Variants in SPEF2 observed in about 807,000 individuals in gnomAD.
The protein encoded by SPEF2 is sperm flagellar and cilia associated 2.
In SPEF2, 187 loss-of-function variants were observed where a neutral mutation model predicts 224.6. The observed-to-expected ratio is 0.83, with a 90% CI of 0.74 to 0.94. SPEF2 has a LOEUF of 0.94. Among genes scored for constraint, SPEF2 ranks in the 40% least tolerant of loss-of-function variants. The pLI, the probability that SPEF2 is intolerant of heterozygous loss-of-function variation, is 0.00. For synonymous variants in SPEF2, 715 were observed against 707.3 expected, an observed-to-expected ratio of 1.01 and a Z score of -0.17; for missense variants, 2,170 against 2,135.6, an observed-to-expected ratio of 1.02 and a Z score of -0.32.
chr5:35,776,151 T>C (rs1320595345), intron 28 of SPEF2, 106 bp from the exon 29 acceptor site: 3 of 1,190,622 alleles, frequency 2.5e-6, no homozygotes, highest in East Asian at 4.9e-5. Flanking sequence ...AACGTGCACC[T>C]AAAGCTTCAC....
At chr5:35,752,116 C>G (rs1749749718) in intron 23 of SPEF2, among the ~76,000 whole-genome samples, 1 of 152,122 alleles carries the variant, frequency 6.6e-6, no homozygotes, top group Admixed American at 6.5e-5. Context: ...TGCTGCGGAT[C>G]TGATAGGAGG....
Position 35,713,282 on chromosome 5 carries a change from G to T in SPEF2, c.2914+396G>T, listed in dbSNP as rs141310345. Among the ~76,000 whole-genome samples, 703 of 152,142 alleles carry T rather than the reference G, an allele frequency of 4.6e-3. 7 individuals are homozygous for T. Among genetic ancestry groups the T allele is most frequent in the African/African-American group, 0.017 (685 of 41,514 alleles). ...AAAATAAAAATCTTACATTACCTTA[G>T]AACATTTACAAAACTAAGAAAGGAG... is the stretch of plus-strand genomic sequence containing the variant. On this transcript the variant is annotated intron_variant, in intron 20 of 36. Coordinates refer to ENST00000356031, the MANE Select transcript of SPEF2 (RefSeq NM_024867.4).
At chr5:35,664,787 GGAGGGAGAGA>G (rs1384697393) in intron 8 of SPEF2, among the ~76,000 whole-genome samples, 1 of 142,306 alleles carries the variant, frequency 7.0e-6, no homozygotes, top group Non-Finnish European at 1.5e-5. Context: ...AGAGAAAGAG[GGAGGGAGAGA>G]GAGGGAGAGG....
chr5:35,704,563 T>A lies in SPEF2; in HGVS notation c.2408T>A (p.Leu803Ter). Residue 803 changes from leucine (L) to a stop codon, truncating the protein, a stop_gained, in exon 17 of 37, where the codon TTG (leucine) becomes TAG (stop). Transcript: ENST00000356031. LOFTEE classifies it high-confidence loss of function. ...SRMNDIIAEE[L>*]SYKTAHEDIS... is the part of the protein sequence containing the mutation. The stretch of plus-strand genomic sequence containing the variant: ...AAATTTTATACCATAGCTGAAGAAT[T>A]GTCCTATAAAACTGCTCACGAAGAT... The A allele has an allele frequency of 3.1e-6, 5 of 1,605,736 alleles. No individual in the cohort carries two copies. Among genetic ancestry groups the A allele is most frequent in the Non-Finnish European group, 4.2e-6 (5 of 1,176,910 alleles).
Position 35,753,696 on chromosome 5 carries a change from A to T in SPEF2, c.3403A>T (p.Ile1135Phe). ...GGCGGAGCAGGAGCGGCTTGACATCATTAATGAGAGCTGGTTACAGGACAC... is the reference window on the plus strand; with the variant it reads ...GGCGGAGCAGGAGCGGCTTGACATCTTTAATGAGAGCTGGTTACAGGACAC... ...EEAEQERLDI[I>F]NESWLQDTLG... The change falls in exon 24 of 37, where the codon ATT (isoleucine) becomes TTT (phenylalanine). Residue 1135 changes from isoleucine (I) to phenylalanine (F), a missense_variant. By Grantham distance (21) the Ile-to-Phe change is conservative (BLOSUM62 0). Coordinates refer to ENST00000356031, the MANE Select transcript of SPEF2 (RefSeq NM_024867.4). The T allele has an allele frequency of 6.2e-7, 1 of 1,614,154 alleles. No individual in the cohort carries two copies. The highest frequency in any genetic ancestry group is 8.5e-7 in the Non-Finnish European group (1 of 1,180,024).
chr5:35,689,818 T>C (rs905397192), intron 10 of SPEF2, among the ~76,000 whole-genome samples: 13 of 152,130 alleles, frequency 8.5e-5, no homozygotes, highest in African/African-American at 1.2e-4. Context: ...GAACAGAGGG[T>C]ACATTTGTCT....
At chr5:35,642,830 A>G (rs968299737) in intron 3 of SPEF2, among the ~76,000 whole-genome samples, 7 of 152,208 alleles carry the variant, frequency 4.6e-5, no homozygotes, top group African/African-American at 1.7e-4. Flanking sequence ...ATATTTGTCC[A>G]TTCTTCATGG....
rs368046890 is a variant in SPEF2 at position 35,691,122 on chromosome 5, A to C, written c.1610A>C (p.His537Pro). Residue 537 changes from histidine to proline, a missense_variant, in exon 11 of 37, where the codon CAC (histidine) becomes CCC (proline). Coordinates refer to ENST00000356031, the MANE Select transcript of SPEF2 (RefSeq NM_024867.4). The part of the protein sequence containing the change: ...SNNCILGHIL[H>P]RLAEKSLPPR... Reference sequence around the variant, plus strand: ...AATTGCATACTGGGCCATATTCTTCACAGGCTAGCTGAAAAATCTCTTCCT... The same window carrying C: ...AATTGCATACTGGGCCATATTCTTCCCAGGCTAGCTGAAAAATCTCTTCCT... 22 of 1,614,014 alleles carry C rather than the reference A, an allele frequency of 1.4e-5. No individual in the cohort carries two copies. Among genetic ancestry groups the C allele is most frequent in the Non-Finnish European group, 1.8e-5 (21 of 1,180,004 alleles).
At chr5:35,703,978 A>G (rs1006608021) in intron 16 of SPEF2, among the ~76,000 whole-genome samples, 2 of 151,980 alleles carry the variant, frequency 1.3e-5, no homozygotes, top group Non-Finnish European at 2.9e-5. Context: ...TTTATTCTAA[A>G]TTGGTAAGTA....
At chr5:35,672,165 T>C (rs191297923) in intron 10 of SPEF2, among the ~76,000 whole-genome samples, 2,028 of 151,498 alleles carry the variant, frequency 0.013, 30 homozygotes, top group South Asian at 0.053. Context: ...TTTGTCATTA[T>C]TAAATTTGTT....
At chr5:35,655,288 A>C (rs987350318) in intron 7 of SPEF2, among the ~76,000 whole-genome samples, 4 of 152,180 alleles carry the variant, frequency 2.6e-5, no homozygotes, top group African/African-American at 9.7e-5. Context: ...CAGGCTGTCT[A>C]GGTGATCCTG....
At chr5:35,734,581 T>C (rs1048136599) in intron 21 of SPEF2, among the ~76,000 whole-genome samples, 1 of 152,170 alleles carries the variant, frequency 6.6e-6, no homozygotes, top group African/African-American at 2.4e-5. Context: ...AAGCTTGCCC[T>C]AAATCTTCCT....
intron 34 of SPEF2, among the ~76,000 whole-genome samples, chr5:35,805,746 G>A (rs917033615): frequency 3.9e-5 from 6 of 152,014 alleles, no homozygotes; most frequent in East Asian, 1.9e-4. Context: ...TCCTTAATGC[G>A]TCTGCTTTCC....
chr5:35,776,418 G>T, intron 29 of SPEF2, 23 bp downstream of exon 29: 1 of 1,584,520 alleles, frequency 6.3e-7, no homozygotes, highest in South Asian at 1.2e-5. Flanking sequence ...ATGACTTTCT[G>T]AAAATATGCT....
chr5:35,685,194 A>G (rs1437760967), intron 10 of SPEF2, among the ~76,000 whole-genome samples: 1 of 152,174 alleles, frequency 6.6e-6, no homozygotes, highest in Non-Finnish European at 1.5e-5. Flanking sequence ...ATAGGATTAT[A>G]TTTATATACT....
chr5:35,748,691 A>G (rs900832364), intron 23 of SPEF2, among the ~76,000 whole-genome samples: 2 of 152,184 alleles, frequency 1.3e-5, no homozygotes, highest in Non-Finnish European at 2.9e-5. Flanking sequence ...AAAAATTACC[A>G]ACACAAAAAA....
chr5:35,767,474 G>A (rs937903643), intron 26 of SPEF2, among the ~76,000 whole-genome samples: 1 of 151,812 alleles, frequency 6.6e-6, no homozygotes, highest in Non-Finnish European at 1.5e-5. Context: ...TGAATTAGTG[G>A]CTCCTCAAAG....
At chr5:35,767,334 A>G (rs1478068100) in intron 26 of SPEF2, among the ~76,000 whole-genome samples, 1 of 151,964 alleles carries the variant, frequency 6.6e-6, no homozygotes, top group African/African-American at 2.4e-5. Flanking sequence ...GAAATTGTTT[A>G]TATGTCATAT....
intron 3 of SPEF2, chr5:35,643,570 A>G (rs756792183): frequency 2.2e-6 from 1 of 455,924 alleles, no homozygotes; most frequent in South Asian, 1.6e-5. Flanking sequence ...TGGTACAAGG[A>G]CAAGATGGAA....
Sources: gnomAD v4.1 joint callset for allele counts (sites outside exome capture counted in the v4.1 genomes callset) on GRCh38, gnomAD v4.1.1 for gene constraint, MANE v1.5 for transcripts, NCBI Gene and HGNC (gene_info 2026-07-23, HGNC 2026-07-21) for gene names.